Variants in ACSL5 observed in about 807,000 individuals in gnomAD.
ACSL5 encodes acyl-CoA synthetase long chain family member 5.
In ACSL5, 50 loss-of-function variants were observed where a neutral mutation model predicts 84.9. That is an observed-to-expected ratio of 0.59 (90% CI 0.47 to 0.75). The LOEUF is 0.75. Among genes scored for constraint, ACSL5 ranks in the 30% least tolerant of loss-of-function variants. The pLI is 0.00. For synonymous variants in ACSL5, 280 were observed against 300.7 expected (o/e 0.93, Z 0.71); for missense variants, 775 against 830.4 (o/e 0.93, Z 0.82).
In ACSL5 at chr10:112,413,246, A is replaced by G. The variant is rs1215333641; in HGVS notation, c.1022A>G (p.Lys341Arg). 1 of 1,614,172 alleles carries G rather than the reference A, an allele frequency of 6.2e-7. No homozygotes were observed. The highest frequency in any genetic ancestry group is 1.1e-5 in the South Asian group (1 of 91,084). ...GDIRLLADDM[K>R]TLKPTLFPAV... ...ATTCGGTTGCTGGCTGACGACATGA[A>G]GACTTTGAAGCCCACATTGTTTCCC... is the stretch of plus-strand genomic sequence containing the variant. The change falls in exon 12 of 21, where the codon AAG becomes AGG. Residue 341 changes from lysine to arginine, a missense_variant. Coordinates refer to ENST00000354655, the MANE Select transcript of ACSL5 (RefSeq NM_203379.2).
chr10:112,425,154 G>C, intron 17 of ACSL5, 184 bp from the exon 18 acceptor site: 1 of 500,838 alleles, frequency 2.0e-6, no homozygotes, highest in South Asian at 3.4e-5. Context: ...AGTAAAGACA[G>C]GTTCTTGCTG....
At chr10:112,407,119 A>T (rs763610151) in intron 5 of ACSL5, among the ~76,000 whole-genome samples, 4 of 152,238 alleles carry the variant, frequency 2.6e-5, no homozygotes, top group Non-Finnish European at 5.9e-5. Context: ...AGAATAGCAC[A>T]GGAAAGACCA....
rs1419024994 is a variant in ACSL5, at chr10:112,426,750, G to C, written c.1840-38G>C. ...TCATGCTTAGCCCTTCAGGCTTTTT[G>C]AAACAGCCATGCTTTAAGTGATGTT... is the stretch of plus-strand genomic sequence containing the variant. On this transcript the variant is annotated intron_variant, in intron 19 of 20. Transcript: ENST00000354655. The C allele has an allele frequency of 1.9e-6, 3 of 1,589,562 alleles. No homozygotes were observed. In the East Asian group the frequency reaches 6.7e-5, roughly 36 times the overall value.
intron 14 of ACSL5, among the ~76,000 whole-genome samples, chr10:112,418,632 A>G (rs1388948520): frequency 6.6e-6 from 1 of 152,194 alleles, no homozygotes; most frequent in Non-Finnish European, 1.5e-5. Flanking sequence ...CTTAACTACT[A>G]GTAGACTACT....
intron 1 of ACSL5, among the ~76,000 whole-genome samples, chr10:112,377,139 T>G (rs2133553615): frequency 6.6e-6 from 1 of 152,100 alleles, no homozygotes; most frequent in South Asian, 2.1e-4. Context: ...CGGGGCTTGG[T>G]ACCTTCTGAG....
intron 1 of ACSL5, chr10:112,376,125 G>A (rs1327818548): frequency 2.5e-6 from 2 of 787,496 alleles, no homozygotes; most frequent in Non-Finnish European, 3.9e-6. Flanking sequence ...CTTTGACACG[G>A]AGCCAGGGTA....
At position 112,427,282 on chromosome 10, in the gene ACSL5, T is replaced by C. The variant is rs1260571988; in HGVS notation, c.1976T>C (p.Leu659Ser). 3 of 1,613,818 alleles carry C rather than the reference T, an allele frequency of 1.9e-6. No individual in the cohort carries two copies. The highest frequency in any genetic ancestry group is 1.3e-5 in the African/African-American group (1 of 74,882). The stretch of plus-strand genomic sequence containing the variant: ...GAAAATGGGCTCTTGACACCAACAT[T>C]GAAAGCAAAGCGAGGAGAGCTTTCC... ...SIENGLLTPT[L>S]KAKRGELSKY... is the part of the protein sequence containing the mutation. The change falls in exon 21 of 21, where the codon TTG (leucine) becomes TCG (serine). Residue 659 changes from leucine (L) to serine (S), a missense_variant. Coordinates refer to ENST00000354655, the MANE Select transcript of ACSL5 (RefSeq NM_203379.2).
In ACSL5 at chr10:112,404,690, C is replaced by G; in HGVS notation, c.331-15C>G. 1 of 1,611,454 alleles carries G rather than the reference C, an allele frequency of 6.2e-7. No homozygotes were observed. The highest frequency in any genetic ancestry group is 8.5e-7 in the Non-Finnish European group (1 of 1,177,776). ...CTCTTCTCTCTCTCTCTCACCCCAT[C>G]TCTCTTTTTTGTAGGTGTCTGATAG... On this transcript the variant is annotated splice_polypyrimidine_tract_variant and intron_variant, in intron 4 of 20. Transcript: ENST00000354655.
intron 3 of ACSL5, among the ~76,000 whole-genome samples, chr10:112,401,859 T>TTC (rs1564736597): frequency 9.9e-5 from 13 of 131,804 alleles, no homozygotes; most frequent in African/African-American, 3.6e-4. Flanking sequence ...TTCCTTCCTT[T>TTC]CTTTCTTTCT....
At chr10:112,403,257 C>G (rs1179414255) in intron 3 of ACSL5, among the ~76,000 whole-genome samples, 1 of 152,236 alleles carries the variant, frequency 6.6e-6, no homozygotes. Context: ...ATAGTAATAA[C>G]TTTTCAAACC....
chr10:112,416,946 G>C lies in ACSL5; in HGVS notation c.1142G>C (p.Ser381Thr). The change falls in exon 13 of 21, where the codon AGT becomes ACT. Residue 381 changes from serine to threonine, a missense_variant. By Grantham distance (58) the Ser-to-Thr change is moderately conservative. Coordinates refer to ENST00000354655, the MANE Select transcript of ACSL5 (RefSeq NM_203379.2). ...TTCTTGTTGAAGCTGGCTGTTTCCA[G>C]TAAATTCAAAGAGCTTCAAAAGGGT... is the stretch of plus-strand genomic sequence containing the variant. Reference protein sequence around the residue: ...KKFLLKLAVSSKFKELQKGII... With the variant: ...KKFLLKLAVSTKFKELQKGII... The C allele has an allele frequency of 6.2e-7, 1 of 1,614,078 alleles. No homozygotes were observed.
chr10:112,388,423 G>A (rs1313085182), intron 1 of ACSL5, among the ~76,000 whole-genome samples: 1 of 152,138 alleles, frequency 6.6e-6, no homozygotes, highest in African/African-American at 2.4e-5. Context: ...TGATTAGGGA[G>A]CAATCCTCTC....
chr10:112,407,178 G>A (rs1844059931), intron 5 of ACSL5, among the ~76,000 whole-genome samples: 1 of 151,970 alleles, frequency 6.6e-6, no homozygotes, highest in Non-Finnish European at 1.5e-5. Context: ...ACAACACATG[G>A]GAATTCTGGG....
intron 1 of ACSL5, 115 bp from the exon 2 acceptor site, chr10:112,394,803 T>TGC: frequency 4.0e-6 from 6 of 1,511,448 alleles, no homozygotes; most frequent in Non-Finnish European, 4.4e-6. Flanking sequence ...TTTGAAGGCG[T>TGC]GCGCGCGTGT....
chr10:112,401,786 C>CTCTCTCTTTCTTTCTT (rs1280459085), intron 3 of ACSL5, among the ~76,000 whole-genome samples: 1 of 119,498 alleles, frequency 8.4e-6, no homozygotes, highest in African/African-American at 3.5e-5. Flanking sequence ...TTCTTTCTTT[C>CTCTCTCTTTCTTTCTT]TCTTTCTTTC....
intron 18 of ACSL5, among the ~76,000 whole-genome samples, chr10:112,425,917 T>G (rs1380018188): frequency 6.6e-6 from 1 of 152,216 alleles, no homozygotes; most frequent in South Asian, 2.1e-4. Context: ...TTTAAGGAAC[T>G]CCTTATCCCA....
rs1459031687 is a variant in ACSL5 at position 112,398,093 on chromosome 10, T to C, written c.157-808T>C. Among the ~76,000 whole-genome samples, 6 of 1,940 alleles carry C rather than the reference T, an allele frequency of 3.1e-3. 3 individuals carry two copies. Among genetic ancestry groups the C allele is most frequent in the Non-Finnish European group, 6.9e-3 (6 of 870 alleles). 1.3% of individuals were successfully genotyped at this position (1,940 alleles called of 152,430 possible). On this transcript the variant is annotated intron_variant, in intron 2 of 20. Transcript: ENST00000354655. ...TTTTTTTTTTTTTTTTGAGACGGAG[T>C]CTCGCTCTGTCGCCCAGGCTGGAGT...
At chr10:112,389,574 G>A (rs150267727) in intron 1 of ACSL5, among the ~76,000 whole-genome samples, 61 of 152,172 alleles carry the variant, frequency 4.0e-4, no homozygotes, top group Non-Finnish European at 6.2e-4. Flanking sequence ...TTTCCCTACC[G>A]TAACCAGGAG....
chr10:112,425,892 A>C (rs1436467192), intron 18 of ACSL5, among the ~76,000 whole-genome samples: 1 of 152,208 alleles, frequency 6.6e-6, no homozygotes, highest in African/African-American at 2.4e-5. Context: ...TATACATACT[A>C]TGCTTAAACG....
Sources: gnomAD v4.1 joint callset for allele counts (sites outside exome capture counted in the v4.1 genomes callset) on GRCh38, gnomAD v4.1.1 for gene constraint, MANE v1.5 for transcripts, NCBI Gene and HGNC (gene_info 2026-07-23, HGNC 2026-07-21) for gene names.